DPP6: variants seen among roughly 807,000 people sequenced by gnomAD.
DPP6 encodes the protein dipeptidyl peptidase like 6, also known as A-type potassium channel modulatory protein DPP6.
Under a neutral mutation model 122.6 loss-of-function variants are expected in DPP6, and 69 were observed. The observed-to-expected ratio is 0.56, with a 90% CI of 0.46 to 0.69. DPP6 has a LOEUF of 0.69. Ranked by LOEUF, DPP6 falls within the 30% of genes least tolerant of loss-of-function variation. The pLI, the probability that DPP6 is intolerant of heterozygous loss-of-function variation, is 0.00. For missense variants in DPP6, 928 were observed against 1,116.9 expected, an observed-to-expected ratio of 0.83 and a Z score of 2.41; for synonymous variants, 418 against 433.1, an observed-to-expected ratio of 0.97 and a Z score of 0.43.
At chr7:154,824,589 T>C (rs1026816121) in intron 16 of DPP6, among the ~76,000 whole-genome samples, 5 of 152,358 alleles carry the variant, frequency 3.3e-5, no homozygotes, top group East Asian at 1.9e-4. Flanking sequence ...AGGAATGTTA[T>C]CTTAATGCTT....
At chr7:154,192,347 A>G (rs911925904) in intron 1 of DPP6, among the ~76,000 whole-genome samples, 1 of 152,226 alleles carries the variant, frequency 6.6e-6, no homozygotes, top group East Asian at 1.9e-4. Flanking sequence ...AAATCCCACA[A>G]ATGTGATCCC....
At chr7:154,636,672 G>C (rs760865182) in intron 5 of DPP6, among the ~76,000 whole-genome samples, 4 of 152,188 alleles carry the variant, frequency 2.6e-5, no homozygotes, top group African/African-American at 7.2e-5. Flanking sequence ...TCTGGGTCCT[G>C]TTCCTCCAAA....
At chr7:154,611,853 ATATGTGTGTG>A (rs1198099459) in intron 5 of DPP6, among the ~76,000 whole-genome samples, 5 of 147,828 alleles carry the variant, frequency 3.4e-5, no homozygotes, top group East Asian at 2.0e-4. Flanking sequence ...TTGCTTTCAT[ATATGTGTGTG>A]TGTGTGTGTG....
At chr7:154,697,738 G>A (rs569587401) in intron 7 of DPP6, among the ~76,000 whole-genome samples, 10 of 152,308 alleles carry the variant, frequency 6.6e-5, no homozygotes, top group Admixed American at 3.3e-4. Flanking sequence ...AGTGTTAGAC[G>A]TAAAAATGCC....
Position 154,821,636 on chromosome 7 carries a change from A to G in DPP6, c.1666+14524A>G. 1.0e-5 allele frequency among the ~76,000 whole-genome samples: 1 copy of G among 98,486 alleles called. No homozygotes were observed. The highest frequency in any genetic ancestry group is 1.9e-5 in the Non-Finnish European group (1 of 51,382). 64.6% of individuals were successfully genotyped at this position (98,486 alleles called of 152,430 possible). A position where few individuals can be genotyped will look rare whatever the true frequency, so the allele number is the denominator to read the frequency against. On this transcript the variant is annotated intron_variant, in intron 16 of 25. Transcript: ENST00000377770. This position sits in a 1 kb window ranked among gnomAD's most constrained non-coding sequence, Gnocchi z 4.2. ...ATATATATTTTTTTTCTGTATATAT[A>G]TATATATATACACATATATATATAT...
chr7:154,889,702 C>T, intron 25 of DPP6, 172 bp downstream of exon 25: 1 of 1,012,480 alleles, frequency 9.9e-7, no homozygotes, highest in Non-Finnish European at 1.4e-6. Context: ...TCAACGTTTT[C>T]TTATAATTAA....
At chr7:154,723,327 T>G (rs1009112019) in intron 7 of DPP6, among the ~76,000 whole-genome samples, 13 of 152,222 alleles carry the variant, frequency 8.5e-5, no homozygotes, top group Admixed American at 2.6e-4. Flanking sequence ...TTCTTTCATT[T>G]TCCTTCCATT....
At chr7:154,008,585 A>C (rs1182620778) in intron 1 of DPP6, among the ~76,000 whole-genome samples, 1 of 152,036 alleles carries the variant, frequency 6.6e-6, no homozygotes, top group African/African-American at 2.4e-5. Flanking sequence ...CTCTCTGAAA[A>C]GCTCACAGCA....
intron 1 of DPP6, among the ~76,000 whole-genome samples, chr7:154,021,751 G>T (rs1442218827): frequency 6.6e-6 from 1 of 152,122 alleles, no homozygotes; most frequent in Non-Finnish European, 1.5e-5. Flanking sequence ...GAAGTGCTGT[G>T]TGCATTCAGC....
intron 1 of DPP6, among the ~76,000 whole-genome samples, chr7:154,172,168 C>T (rs115472504): frequency 0.019 from 2,144 of 115,552 alleles, 49 homozygotes; most frequent in African/African-American, 0.063. Context: ...CTGCCTGCCA[C>T]AGGTGTTTAA....
At chr7:154,719,490 A>G (rs2131336514) in intron 7 of DPP6, among the ~76,000 whole-genome samples, 1 of 152,354 alleles carries the variant, frequency 6.6e-6, no homozygotes, top group Middle Eastern at 3.4e-3. Flanking sequence ...ATGATCCCAC[A>G]GGAGAAATCT....
chr7:154,204,805 G>A (rs989923074), intron 1 of DPP6, among the ~76,000 whole-genome samples: 12 of 128,568 alleles, frequency 9.3e-5, no homozygotes, highest in South Asian at 2.6e-4. Context: ...GTGTCTGTAC[G>A]TGTGTGAGTA....
At chr7:154,577,194 CAGG>C (rs1335230936) in intron 5 of DPP6, among the ~76,000 whole-genome samples, 1 of 152,014 alleles carries the variant, frequency 6.6e-6, no homozygotes, top group Non-Finnish European at 1.5e-5. Flanking sequence ...CAGGGACTCA[CAGG>C]AGGAGGAGGA....
At chr7:153,864,996 A>G in the DPP6 span, among the ~76,000 whole-genome samples, 1 of 152,134 alleles carries the variant, frequency 6.6e-6, no homozygotes, top group Admixed American at 6.5e-5. Flanking sequence ...CAGCCTCTGA[A>G]ACTCATCAGC....
chr7:154,003,827 A>G (rs1354870439), intron 1 of DPP6, among the ~76,000 whole-genome samples: 1 of 152,208 alleles, frequency 6.6e-6, no homozygotes, highest in Non-Finnish European at 1.5e-5. Context: ...TGACAAGCGC[A>G]TGCAAGCTCT....
chr7:154,794,953 G>A (rs896701234), intron 11 of DPP6, among the ~76,000 whole-genome samples: 3 of 152,006 alleles, frequency 2.0e-5, no homozygotes, highest in African/African-American at 7.3e-5. Flanking sequence ...AGGCTTGCAG[G>A]CATATTTACT....
At position 154,282,026 on chromosome 7, in the gene DPP6, AC is replaced by A. The variant is rs1241437181; in HGVS notation, c.244-164187del. On this transcript the variant is annotated intron_variant, in intron 1 of 25. Coordinates refer to ENST00000377770, the MANE Select transcript of DPP6 (RefSeq NM_130797.4). The surrounding 1 kb of genome is among the most constrained non-coding windows in gnomAD (Gnocchi z 4.8). ...TCTAGCTTAGTGACTTAACCTTTCA[AC>A]ACCTCTGTTTCCTCCCCTGTCCAAT... is the stretch of plus-strand genomic sequence containing the variant. Among the ~76,000 whole-genome samples, 1 of 152,030 alleles carries A rather than the reference AC, an allele frequency of 6.6e-6. No homozygotes were observed. Among genetic ancestry groups the A allele is most frequent in the Non-Finnish European group, 1.5e-5 (1 of 67,996 alleles).
rs892148963 is a variant in DPP6 at position 154,292,819 on chromosome 7, C to A, written c.244-153395C>A. Among the ~76,000 whole-genome samples, 12 of 152,218 alleles carry A rather than the reference C, an allele frequency of 7.9e-5. 1 individual carries two copies. The highest frequency in any genetic ancestry group is 7.2e-4 in the Admixed American group (11 of 15,294). On this transcript the variant is annotated intron_variant, in intron 1 of 25. Transcript: ENST00000377770. ...TTCACAAAAGTTACACAAAACAATA[C>A]CTTTCTGAGGAGTTTATGTTCTAAT...
chr7:154,331,417 G>A (rs2151038284), intron 1 of DPP6, among the ~76,000 whole-genome samples: 1 of 152,336 alleles, frequency 6.6e-6, no homozygotes, highest in South Asian at 2.1e-4. Flanking sequence ...GGGATAACTG[G>A]TAGACCAGGA....
Sources: allele counts gnomAD v4.1 joint callset (sites outside exome capture counted in the v4.1 genomes callset), GRCh38; gene constraint gnomAD v4.1.1; non-coding constraint Gnocchi (gnomAD v3.1); transcripts MANE v1.5; gene names NCBI Gene and HGNC (gene_info 2026-07-23, HGNC 2026-07-21).